The following AMBN variants were observed in gnomAD, a reference collection of about 807,000 sequenced individuals.
AMBN encodes the protein enamel matrix protein.
In AMBN, 54 loss-of-function variants were observed where a neutral mutation model predicts 48.0. That is an observed-to-expected ratio of 1.12 (90% confidence interval 0.90 to 1.41). AMBN has a LOEUF of 1.41. Ranked by LOEUF, AMBN falls within the 40% of genes most tolerant of loss-of-function variation. AMBN has a pLI of 0.00. For missense variants in AMBN, 571 were observed against 547.3 expected (o/e 1.04, Z -0.43); for synonymous variants, 186 against 190.0 (o/e 0.98, Z 0.17).
At chr4:70,593,178 TAAC>T in intron 1 of AMBN, 146 bp from the exon 2 acceptor site, 1 of 557,120 alleles carries the variant, frequency 1.8e-6, no homozygotes, top group South Asian at 2.4e-5. Context: ...GGTTGTTTAG[TAAC>T]ATTTAGTTTT....
At chr4:70,596,684 T>C (rs1737390910) in intron 2 of AMBN, among the ~76,000 whole-genome samples, 1 of 152,260 alleles carries the variant, frequency 6.6e-6, no homozygotes, top group Non-Finnish European at 1.5e-5. Context: ...AGTAGTTTTC[T>C]ATTTTGTTGC....
At chr4:70,598,183 T>A (rs967928951) in intron 3 of AMBN, among the ~76,000 whole-genome samples, 173 bp from the exon 4 acceptor site, 1 of 152,248 alleles carries the variant, frequency 6.6e-6, no homozygotes, top group Non-Finnish European at 1.5e-5. Flanking sequence ...ATAATAACAA[T>A]GGCAGAACCA....
At chr4:70,603,212 G>T in intron 9 of AMBN, 48 bp from the exon 10 acceptor site, 1 of 1,559,412 alleles carries the variant, frequency 6.4e-7, no homozygotes, top group South Asian at 1.1e-5. Context: ...TTACTGTTAT[G>T]GGGATGTGCC....
rs775494113 is a variant in AMBN at position 70,598,428 on chromosome 4, AT to A, written c.183+27del. 5 of 1,566,322 alleles carry A rather than the reference AT, an allele frequency of 3.2e-6. No individual in the cohort carries two copies. The African/African-American group carries it at 4.1e-5, about 13-fold the overall frequency. ...GGTAATCATATTTCTTATTGCAAGT[AT>A]TCATGGTGGTGGTAGTGTTAATATT... On this transcript the variant is annotated intron_variant, in intron 4 of 12. Transcript: ENST00000322937.
chr4:70,596,279 CAAA>C (rs36108778), intron 2 of AMBN, among the ~76,000 whole-genome samples: 8 of 117,266 alleles, frequency 6.8e-5, no homozygotes, highest in Non-Finnish European at 7.2e-5. Context: ...AACTTAGTCT[CAAA>C]AAAAAAAAAA....
chr4:70,593,441 C>G, intron 2 of AMBN, 46 bp downstream of exon 2: 1 of 1,497,548 alleles, frequency 6.7e-7, no homozygotes, highest in Non-Finnish European at 9.3e-7. Context: ...TATTGATTGT[C>G]GAACTCCAAA....
In AMBN at chr4:70,603,915, A is replaced by G; in HGVS notation, c.792A>G (p.Glu264=). ...GACTTGGCATCATGAGTTCAGAAGA[A>G]GTGGCAGTGAGTAATGTCTTCTAAC... ...PARLGIMSSE[E]VAGGREDPMA... Residue 264 remains glutamate, a synonymous_variant, in exon 12 of 13, where the codon GAA becomes GAG. Coordinates refer to ENST00000322937, the MANE Select transcript of AMBN (RefSeq NM_016519.6). 6.2e-7 allele frequency: 1 copy of G among 1,613,994 alleles called. No individual in the cohort carries two copies. The highest frequency in any genetic ancestry group is 1.3e-5 in the African/African-American group (1 of 75,046).
chr4:70,603,631 G>GAC (rs142764944), intron 11 of AMBN, among the ~76,000 whole-genome samples, 171 bp downstream of exon 11: 14,324 of 149,782 alleles, frequency 0.096, 768 homozygotes, highest in African/African-American at 0.14. Flanking sequence ...ATCTTGGCCA[G>GAC]ACACACACAC....
chr4:70,603,259 G>A lies in AMBN; in HGVS notation c.649-1G>A. 2 of 1,613,046 alleles carry A rather than the reference G, an allele frequency of 1.2e-6. 1 individual carries two copies. The highest frequency in any genetic ancestry group is 2.2e-5 in the South Asian group (2 of 91,004). On this transcript the variant is annotated splice_acceptor_variant, in intron 9 of 12. Transcript: ENST00000322937. LOFTEE classifies it high-confidence loss of function. ...CTTATTCTGTTTTCTACCATTTAAA[G>A]ATTTTCCAAATAGCCCGTTTGATTT...
intron 6 of AMBN, chr4:70,601,999 A>G (rs1293041370): frequency 4.3e-6 from 2 of 465,308 alleles, no homozygotes; most frequent in Admixed American, 2.5e-5. Flanking sequence ...GAAAAACTGA[A>G]AAAAGTGATT....
At chr4:70,603,821 G>T in intron 11 of AMBN, 56 bp from the exon 12 acceptor site, 1 of 1,581,876 alleles carries the variant, frequency 6.3e-7, no homozygotes, top group South Asian at 1.1e-5. Flanking sequence ...ACTTTGTCTT[G>T]AGTAGATAAG....
chr4:70,607,110 T>G lies in AMBN; in HGVS notation c.*380T>G, dbSNP rs138657065. The G allele has an allele frequency of 6.1e-4, 101 of 166,368 alleles. No individual in the cohort carries two copies. In the East Asian group the frequency reaches 0.016, roughly 27 times the overall value. The allele number at this position is 166,368 out of a possible 1,614,324, so 10.3% of individuals were successfully genotyped here. ...TTTTTTCTCTAAGCAAAGGCAAATA[T>G]CCTCATAATTCTAAGCTAATTCATT... On this transcript the variant is annotated 3_prime_UTR_variant, in exon 13 of 13. Transcript: ENST00000322937.
At chr4:70,600,005 A>G (rs1329928858) in intron 5 of AMBN, among the ~76,000 whole-genome samples, 1 of 152,170 alleles carries the variant, frequency 6.6e-6, no homozygotes, top group Non-Finnish European at 1.5e-5. Flanking sequence ...TGATGACAAT[A>G]ATCCTGGTTA....
chr4:70,603,515 C>T (rs748229314), intron 11 of AMBN, 55 bp downstream of exon 11: 26 of 1,534,542 alleles, frequency 1.7e-5, no homozygotes, highest in Non-Finnish European at 2.2e-5. Context: ...ATCTTAAGAG[C>T]TAAAATTCAA....
intron 5 of AMBN, among the ~76,000 whole-genome samples, chr4:70,600,885 G>A (rs1737505922): frequency 6.6e-6 from 1 of 152,056 alleles, no homozygotes; most frequent in Non-Finnish European, 1.5e-5. Context: ...TTTCCAAAGT[G>A]GACTCCATGA....
Position 70,602,976 on chromosome 4 carries a change from C to T in AMBN, c.614C>T (p.Pro205Leu), listed in dbSNP as rs918377447. 4.4e-6 allele frequency: 7 copies of T among 1,603,926 alleles called. No individual in the cohort carries two copies. ...DFPDPQGPSL[P>L]GLDFADPQGS... Reference sequence around the variant, plus strand: ...TAATATTTATCTGTAATATAGCTCCCAGGATTGGATTTTGCTGATCCACAA... The same window carrying T: ...TAATATTTATCTGTAATATAGCTCCTAGGATTGGATTTTGCTGATCCACAA... The change falls in exon 9 of 13, where the codon CCA becomes CTA. Residue 205 changes from proline (P) to leucine (L), a missense_variant. Coordinates refer to ENST00000322937, the MANE Select transcript of AMBN (RefSeq NM_016519.6).
intron 12 of AMBN, 98 bp from the exon 13 acceptor site, chr4:70,606,087 T>C: frequency 7.1e-7 from 1 of 1,407,150 alleles, no homozygotes; most frequent in Non-Finnish European, 9.6e-7. Flanking sequence ...TCTCCACCAG[T>C]TTTTTAGAGA....
intron 12 of AMBN, among the ~76,000 whole-genome samples, chr4:70,604,812 G>T (rs1369922608): frequency 6.6e-6 from 1 of 152,060 alleles, no homozygotes; most frequent in Non-Finnish European, 1.5e-5. Flanking sequence ...GGCCAACATG[G>T]TAAAACCCCG....
At chr4:70,603,516 T>A (rs111733033) in intron 11 of AMBN, 56 bp downstream of exon 11, 1 of 1,538,896 alleles carries the variant, frequency 6.5e-7, no homozygotes, top group Non-Finnish European at 8.8e-7. Flanking sequence ...TCTTAAGAGC[T>A]AAAATTCAAA....
Sources: allele counts gnomAD v4.1 joint callset (sites outside exome capture counted in the v4.1 genomes callset), GRCh38; gene constraint gnomAD v4.1.1; transcripts MANE v1.5; gene names NCBI Gene and HGNC (gene_info 2026-07-23, HGNC 2026-07-21).